The following AP2A2 variants were observed in gnomAD, a reference collection of about 807,000 sequenced individuals.
AP2A2 encodes the protein adaptor related protein complex 2 subunit alpha 2, also known as AP-2 complex subunit alpha-2.
Under a neutral mutation model 104.2 loss-of-function variants are expected in AP2A2, and 32 were observed. The observed-to-expected ratio is 0.31, with a 90% confidence interval of 0.23 to 0.41. The LOEUF is 0.41. Among genes scored for constraint, AP2A2 ranks in the 10% least tolerant of loss-of-function variants. The probability of loss-of-function intolerance (pLI) is 1.00; values close to 1 mark genes in which losing one functional copy is unlikely to be tolerated. For synonymous variants in AP2A2, 539 were observed against 533.3 expected, an observed-to-expected ratio of 1.01 and a Z score of -0.15; for missense variants, 912 against 1,261.0, an observed-to-expected ratio of 0.72 and a Z score of 4.19.
chr11:1,008,036 T>A lies in AP2A2; in HGVS notation c.2321T>A (p.Val774Glu). 6.4e-7 allele frequency: 1 copy of A among 1,566,086 alleles called. No homozygotes were observed. The highest frequency in any genetic ancestry group is 8.6e-7 in the Non-Finnish European group (1 of 1,156,148). The change falls in exon 18 of 22, where the codon GTG (valine) becomes GAG (glutamate). Residue 774 changes from valine (V) to glutamate (E), a missense_variant. Around this residue, in one of 7 missense-constraint regions of AP2A2, gnomAD observed 239 missense variants for 329.8 expected, o/e 0.72. Transcript: ENST00000448903. ...CACCTGAACCTGCAGACCAAGCCCG[T>A]GGACCCGACCGTGGAGGGGGGCGCG... is the stretch of plus-strand genomic sequence containing the variant. Reference protein sequence around the residue: ...QPNLNLQTKPVDPTVEGGAQV... With the variant: ...QPNLNLQTKPEDPTVEGGAQV...
At chr11:976,250 G>A (rs527974749) in intron 4 of AP2A2, among the ~76,000 whole-genome samples, 5 of 152,308 alleles carry the variant, frequency 3.3e-5, no homozygotes, top group Non-Finnish European at 7.4e-5. Context: ...CAGGGGCGTT[G>A]GCACCCAGAA....
chr11:927,422 C>G (rs1402215105), intron 1 of AP2A2, among the ~76,000 whole-genome samples: 1 of 151,822 alleles, frequency 6.6e-6, no homozygotes, highest in African/African-American at 2.4e-5. Context: ...TTCTCATCTC[C>G]TTAGACGGGA....
At chr11:1,006,454 C>G in intron 16 of AP2A2, 74 bp from the exon 17 acceptor site, 1 of 1,058,310 alleles carries the variant, frequency 9.4e-7, no homozygotes, top group South Asian at 1.4e-5. Context: ...GTGGGGGGCT[C>G]TTGTTTTTCA....
rs545794661 is a variant in AP2A2, at chr11:974,240, C to T, written c.473+1985C>T. ...TGGTCCCATGAAGGGAGTGGGTGGC[C>T]CGTGTTCTGGTGCCTGAGTGGTCCC... On this transcript the variant is annotated intron_variant, in intron 4 of 21. Transcript: ENST00000448903. Among the ~76,000 whole-genome samples, 3 of 151,142 alleles carry T rather than the reference C, an allele frequency of 2.0e-5. No homozygotes were observed. In the South Asian group the frequency reaches 6.3e-4, roughly 32 times the overall value.
In AP2A2 at chr11:949,224, C is replaced by T. The variant is rs561591834; in HGVS notation, c.68-10213C>T. Among the ~76,000 whole-genome samples, 48 of 152,030 alleles carry T rather than the reference C, an allele frequency of 3.2e-4. No individual in the cohort carries two copies. The South Asian group carries it at 7.7e-3, about 24-fold the overall frequency. On this transcript the variant is annotated intron_variant, in intron 1 of 21. Coordinates refer to ENST00000448903, the MANE Select transcript of AP2A2 (RefSeq NM_012305.4). ...CCGAGAGGCGGAGGTTGCAGTGAGC[C>T]GAGATCATGTCACTGCACTCCAGCC...
chr11:927,976 C>CT (rs1345330269), intron 1 of AP2A2, among the ~76,000 whole-genome samples: 1 of 152,158 alleles, frequency 6.6e-6, no homozygotes, highest in East Asian at 1.9e-4. Context: ...GGGACAAAGA[C>CT]TGAGTACCCT....
Position 1,009,092 on chromosome 11 carries a change from G to T in AP2A2, c.2421-8G>T, listed in dbSNP as rs1389092564. ...ACTGTCTCTTTCTGCTGCTGCTGCT[G>T]CTGGCAGGTATGGGGGCACCTTCCA... On this transcript the variant is annotated splice_polypyrimidine_tract_variant and splice_region_variant and intron_variant, in intron 18 of 21. Coordinates refer to ENST00000448903, the MANE Select transcript of AP2A2 (RefSeq NM_012305.4). The T allele has an allele frequency of 1.2e-6, 2 of 1,605,840 alleles. No individual in the cohort carries two copies. Among genetic ancestry groups the T allele is most frequent in the Non-Finnish European group, 1.7e-6 (2 of 1,174,300 alleles).
chr11:998,938 C>T (rs1441359415), intron 14 of AP2A2, among the ~76,000 whole-genome samples: 5 of 152,112 alleles, frequency 3.3e-5, no homozygotes, highest in Admixed American at 6.5e-5. Context: ...GGGATCTGCC[C>T]CCCTCGGCCT....
At chr11:1,005,837 G>T (rs1856185099) in intron 16 of AP2A2, among the ~76,000 whole-genome samples, 2 of 152,166 alleles carry the variant, frequency 1.3e-5, no homozygotes, top group Non-Finnish European at 2.9e-5. Context: ...TTGGTTTTGG[G>T]TTTTTAAATT....
intron 15 of AP2A2, among the ~76,000 whole-genome samples, chr11:1,000,811 C>T (rs1430367298): frequency 6.6e-6 from 1 of 152,176 alleles, no homozygotes; most frequent in East Asian, 1.9e-4. Flanking sequence ...GTGTTCATTA[C>T]TCTCAGGAGG....
chr11:961,103 T>A (rs1480686651), intron 2 of AP2A2, among the ~76,000 whole-genome samples: 10 of 152,148 alleles, frequency 6.6e-5, no homozygotes, highest in Admixed American at 6.5e-4. Flanking sequence ...CAGATGGAGA[T>A]GTGGGTCTGA....
At chr11:969,582 A>G (rs1340436626) in intron 2 of AP2A2, among the ~76,000 whole-genome samples, 1 of 151,982 alleles carries the variant, frequency 6.6e-6, no homozygotes, top group Admixed American at 6.6e-5. Flanking sequence ...ATATTCTGCC[A>G]ATTACATGTT....
rs1854708623 is a variant in AP2A2, at chr11:968,677, C to T, written c.137-1492C>T. ...GTGCTGGGGCTTCCCAGTGGAGGAT[C>T]TCTGCTGCGCAGCCCGTGCTCAGCT... On this transcript the variant is annotated intron_variant, in intron 2 of 21. Transcript: ENST00000448903. The surrounding 1 kb of genome is among the most constrained non-coding windows in gnomAD (Gnocchi z 4.2). Among the ~76,000 whole-genome samples the T allele has an allele frequency of 6.6e-6, 1 of 152,004 alleles. No individual in the cohort carries two copies. Among genetic ancestry groups the T allele is most frequent in the African/African-American group, 2.4e-5 (1 of 41,376 alleles).
chr11:1,008,167 G>C (rs555376149), intron 18 of AP2A2, 32 bp downstream of exon 18: 2 of 1,570,384 alleles, frequency 1.3e-6, no homozygotes, highest in East Asian at 4.5e-5. Flanking sequence ...CGGGCCAAGG[G>C]GTGTGTGGGC....
chr11:982,805 G>A (rs1202460528), intron 6 of AP2A2, among the ~76,000 whole-genome samples: 1 of 149,962 alleles, frequency 6.7e-6, no homozygotes, highest in African/African-American at 2.5e-5. Context: ...GCGCCCGCCA[G>A]CACGCCTGGC....
chr11:985,638 T>A, intron 8 of AP2A2, 56 bp downstream of exon 8: 1 of 1,607,556 alleles, frequency 6.2e-7, no homozygotes, highest in Non-Finnish European at 8.5e-7. Flanking sequence ...ACGTTCCTTC[T>A]CGTTGGCACG....
intron 14 of AP2A2, among the ~76,000 whole-genome samples, chr11:998,138 A>G (rs773379410): frequency 2.0e-5 from 3 of 152,196 alleles, no homozygotes; most frequent in African/African-American, 7.2e-5. Context: ...CCGCCTTCAG[A>G]TGGTCTCATC....
intron 16 of AP2A2, 33 bp downstream of exon 16, chr11:1,003,837 C>A: frequency 7.1e-7 from 1 of 1,405,568 alleles, no homozygotes; most frequent in African/African-American, 1.4e-5. Context: ...GAAACTGTCT[C>A]TTAGAAATAT....
At chr11:942,532 C>A (rs1412569231) in intron 1 of AP2A2, 1 of 152,182 alleles carries the variant, frequency 6.6e-6, no homozygotes, top group Non-Finnish European at 1.5e-5. Flanking sequence ...GGAAATTTAT[C>A]TCAGTAGTTT....
Sources: gnomAD v4.1 joint callset for allele counts (sites outside exome capture counted in the v4.1 genomes callset) on GRCh38, gnomAD v4.1.1 for gene constraint, gnomAD v4.1.1 regional missense constraint, Gnocchi (gnomAD v3.1) non-coding constraint, MANE v1.5 for transcripts, NCBI Gene and HGNC (gene_info 2026-07-23, HGNC 2026-07-21) for gene names.